MPDZ: variants seen among roughly 807,000 people sequenced by gnomAD.
MPDZ encodes the protein multiple PDZ domain protein.
Under a neutral mutation model 239.1 loss-of-function variants are expected in MPDZ, and 234 were observed. The ratio of observed to expected loss-of-function variants is 0.98; its 90% CI spans 0.88 to 1.09. The LOEUF (loss-of-function observed/expected upper bound fraction) is 1.09. MPDZ is among the 50% of genes least tolerant of loss of function. The probability of loss-of-function intolerance (pLI) is 0.00; values close to 1 mark genes in which losing one functional copy is unlikely to be tolerated. For synonymous variants in MPDZ, 1,048 were observed against 881.3 expected, an observed-to-expected ratio of 1.19 and a Z score of -3.35; for missense variants, 3,175 against 2,510.0, an observed-to-expected ratio of 1.26 and a Z score of -5.66.
intron 3 of MPDZ, among the ~76,000 whole-genome samples, chr9:13,237,272 G>A (rs927972032): frequency 6.0e-5 from 9 of 150,598 alleles, no homozygotes; most frequent in Non-Finnish European, 1.3e-4. Context: ...GCAAAAGCCC[G>A]TCTCTACAAA....
chr9:13,127,878 C>T (rs1945351300), intron 32 of MPDZ, among the ~76,000 whole-genome samples: 1 of 152,200 alleles, frequency 6.6e-6, no homozygotes, highest in South Asian at 2.1e-4. Context: ...CTTAACATCT[C>T]TAATTCTCAA....
intron 12 of MPDZ, among the ~76,000 whole-genome samples, chr9:13,201,017 C>T (rs1023861756): frequency 6.6e-6 from 1 of 151,652 alleles, no homozygotes; most frequent in Admixed American, 6.6e-5. Context: ...TGCAGAAGTC[C>T]CCTGCAATTA....
At chr9:13,227,585 TAG>T (rs1961040189) in intron 3 of MPDZ, among the ~76,000 whole-genome samples, 1 of 152,024 alleles carries the variant, frequency 6.6e-6, no homozygotes, top group South Asian at 2.1e-4. Flanking sequence ...ATCCCGAGAA[TAG>T]AGAGTCTGTC....
At position 13,182,505 on chromosome 9, in the gene MPDZ, A is replaced by T. The variant is rs1188589438; in HGVS notation, c.2649+913T>A. ...TTTTTAGATTTTACTACACACATGT[A>T]CATAGATATTCATTAAAAATATATG... On this transcript the variant is annotated intron_variant, in intron 19 of 46. Coordinates refer to ENST00000319217, the MANE Select transcript of MPDZ (RefSeq NM_001378778.1). Among the ~76,000 whole-genome samples the T allele has an allele frequency of 4.6e-5, 7 of 152,128 alleles. No homozygotes were observed. In the East Asian group the frequency reaches 1.3e-3, roughly 29 times the overall value.
At chr9:13,160,829 A>ATT (rs1211268031) in intron 23 of MPDZ, among the ~76,000 whole-genome samples, 1 of 13,658 alleles carries the variant, frequency 7.3e-5, no homozygotes, top group East Asian at 3.3e-3. Context: ...CATTATTAAA[A>ATT]TTATATATAT....
chr9:13,184,833 G>C (rs1197266474), intron 18 of MPDZ, among the ~76,000 whole-genome samples: 1 of 151,890 alleles, frequency 6.6e-6, no homozygotes, highest in African/African-American at 2.4e-5. Flanking sequence ...AAGACTCAAA[G>C]AAATTGAGTG....
At chr9:13,225,379 T>C (rs1220105634) in intron 3 of MPDZ, among the ~76,000 whole-genome samples, 2 of 151,878 alleles carry the variant, frequency 1.3e-5, no homozygotes, top group Non-Finnish European at 2.9e-5. Flanking sequence ...AACTCATTGT[T>C]ACCAAAGTTA....
intron 36 of MPDZ, among the ~76,000 whole-genome samples, chr9:13,122,709 G>A (rs1944538264): frequency 6.6e-6 from 1 of 151,914 alleles, no homozygotes; most frequent in South Asian, 2.1e-4. Flanking sequence ...TAGAGATAGG[G>A]TTTTGCCATG....
chr9:13,150,722 A>G (rs552616445), intron 24 of MPDZ, 34 bp from the exon 25 acceptor site: 4 of 1,281,660 alleles, frequency 3.1e-6, no homozygotes, highest in East Asian at 5.9e-5. Flanking sequence ...ACTCTTAGGA[A>G]AAATCATAAG....
intron 1 of MPDZ, among the ~76,000 whole-genome samples, chr9:13,275,313 T>TA (rs1279398910): frequency 1.3e-5 from 2 of 152,128 alleles, no homozygotes; most frequent in Non-Finnish European, 2.9e-5. Context: ...GGTTCCCTTA[T>TA]AAAAAATTAG....
intron 1 of MPDZ, among the ~76,000 whole-genome samples, chr9:13,277,230 C>T (rs2139572583): frequency 6.6e-6 from 1 of 150,752 alleles, no homozygotes; most frequent in African/African-American, 2.4e-5. Flanking sequence ...CAGGCCTAGT[C>T]AATAAAAAGG....
At chr9:13,145,420 G>T (rs537203031) in intron 26 of MPDZ, among the ~76,000 whole-genome samples, 2 of 151,934 alleles carry the variant, frequency 1.3e-5, no homozygotes, top group Non-Finnish European at 2.9e-5. Flanking sequence ...TCTGATTCTT[G>T]AAGAGCCTAA....
chr9:13,274,361 C>G (rs1973686233), intron 1 of MPDZ: 1 of 150,470 alleles, frequency 6.6e-6, no homozygotes, highest in African/African-American at 2.4e-5. Context: ...CACCTTGGAT[C>G]TGGAGGCAGA....
At position 13,186,390 on chromosome 9, in the gene MPDZ, C is replaced by A; in HGVS notation, c.2365-4G>T. On this transcript the variant is annotated splice_polypyrimidine_tract_variant and splice_region_variant and intron_variant, in intron 17 of 46. Transcript: ENST00000319217. ...CATAACCTTCTTCTGGTGAAAGCTG[C>A]AGGGAAAAAATGGTATTCATGGAAA... 6.5e-7 allele frequency: 1 copy of A among 1,541,044 alleles called. No individual in the cohort carries two copies.
At chr9:13,183,359 C>A in intron 19 of MPDZ, 59 bp downstream of exon 19, 1 of 1,408,904 alleles carries the variant, frequency 7.1e-7, no homozygotes, top group Admixed American at 2.4e-5. Context: ...AAGGACTGAG[C>A]TCTGGAAAAT....
chr9:13,124,767 AT>A (rs1404447147), intron 35 of MPDZ, among the ~76,000 whole-genome samples: 3 of 152,158 alleles, frequency 2.0e-5, no homozygotes, highest in African/African-American at 7.2e-5. Context: ...CACCTATGAA[AT>A]AGGATAATTG....
chr9:13,260,447 C>T (rs1266525838), intron 1 of MPDZ, among the ~76,000 whole-genome samples: 1 of 152,076 alleles, frequency 6.6e-6, no homozygotes, highest in African/African-American at 2.4e-5. Flanking sequence ...AGGAACATGT[C>T]AGTGTTGTGA....
chr9:13,195,689 G>A (rs1234224955), intron 13 of MPDZ, among the ~76,000 whole-genome samples: 2 of 152,020 alleles, frequency 1.3e-5, no homozygotes, highest in African/African-American at 4.8e-5. Flanking sequence ...TCTTCAGGAA[G>A]GTAAATACAT....
At chr9:13,115,001 G>C (rs1207992293) in intron 40 of MPDZ, among the ~76,000 whole-genome samples, 1 of 152,172 alleles carries the variant, frequency 6.6e-6, no homozygotes, top group Non-Finnish European at 1.5e-5. Context: ...TATGGAAAAT[G>C]AATCATGTCA....
Sources: gnomAD v4.1 joint callset for allele counts (sites outside exome capture counted in the v4.1 genomes callset) on GRCh38, gnomAD v4.1.1 for gene constraint, MANE v1.5 for transcripts, NCBI Gene and HGNC (gene_info 2026-07-23, HGNC 2026-07-21) for gene names.